The following MGAM variants were observed in gnomAD, a reference collection of about 807,000 sequenced individuals.
MGAM encodes maltase-glucoamylase.
In MGAM, 253 loss-of-function variants were observed where a neutral mutation model predicts 358.8. The observed-to-expected ratio is 0.71, with a 90% CI of 0.64 to 0.78. The LOEUF is 0.78. MGAM is among the 30% of genes least tolerant of loss of function. MGAM has a pLI of 0.00. For synonymous variants in MGAM, 1,105 were observed against 1,227.1 expected, an observed-to-expected ratio of 0.90 and a Z score of 2.08; for missense variants, 3,080 against 3,432.6, an observed-to-expected ratio of 0.90 and a Z score of 2.57.
At chr7:142,046,109 T>C (rs1226797052) in intron 21 of MGAM, among the ~76,000 whole-genome samples, 1 of 140,198 alleles carries the variant, frequency 7.1e-6, no homozygotes, top group Non-Finnish European at 1.5e-5. Context: ...TATTTATTTT[T>C]ATATTTATAT....
At position 142,005,207 on chromosome 7, in the gene MGAM, A is replaced by G. The variant is rs1584901363; in HGVS notation, c.-2-322A>G. On this transcript the variant is annotated intron_variant, in intron 1 of 70. Coordinates refer to ENST00000475668, the MANE Select transcript of MGAM (RefSeq NM_001365693.1). ...TTCACTAGATATTTGATGACAGTAA[A>G]TTATTATAAACATATATTAGGTATG... Among the ~76,000 whole-genome samples, 4 of 152,254 alleles carry G rather than the reference A, an allele frequency of 2.6e-5. No individual in the cohort carries two copies. In the East Asian group the frequency reaches 7.7e-4, roughly 29 times the overall value.
intron 40 of MGAM, 151 bp from the exon 41 acceptor site, chr7:142,066,422 C>A: frequency 1.1e-6 from 1 of 946,364 alleles, no homozygotes; most frequent in South Asian, 1.7e-5. Context: ...TGACTCTTTC[C>A]GGTCTATTAA....
chr7:141,997,352 C>T (rs1359258238), intron 1 of MGAM, among the ~76,000 whole-genome samples: 3 of 152,010 alleles, frequency 2.0e-5, no homozygotes, highest in Admixed American at 1.3e-4. Context: ...CTGGTAGGTC[C>T]CTGTGCTACC....
At position 142,049,807 on chromosome 7, in the gene MGAM, C is replaced by T. The variant is rs368122467; in HGVS notation, c.2588-428C>T. 3.1e-3 allele frequency among the ~76,000 whole-genome samples: 472 copies of T among 152,150 alleles called. 2 individuals carry two copies. Among genetic ancestry groups the T allele is most frequent in the Middle Eastern group, 0.031 (9 of 294 alleles). On this transcript the variant is annotated intron_variant, in intron 22 of 70. Coordinates refer to ENST00000475668, the MANE Select transcript of MGAM (RefSeq NM_001365693.1). ...AAAAAAGATAAGAGATAAGTGCTGG[C>T]GAGGATGTGGAGAAAATGGAATTTT... is the stretch of plus-strand genomic sequence containing the variant.
Position 142,082,553 on chromosome 7 carries a change from C to T in MGAM, c.6250C>T (p.Leu2084=), listed in dbSNP as rs1368838742. 42 of 1,523,946 alleles carry T rather than the reference C, an allele frequency of 2.8e-5. 7 individuals are homozygous for T. Among genetic ancestry groups the T allele is most frequent in the Non-Finnish European group, 3.4e-5 (38 of 1,116,310 alleles). The allele number at this position is 1,523,946 out of a possible 1,614,324, so 94.4% of individuals were successfully genotyped here. A position where few individuals can be genotyped will look rare whatever the true frequency, so the allele number is the denominator to read the frequency against. The change falls in exon 52 of 71, where the codon CTG becomes TTG. Residue 2084 remains leucine, a synonymous_variant. Transcript: ENST00000475668. ...TGGCAGTGCCCATGGAGTGCTCCTG[C>T]TGAACAGCAATGCCATGGGTAAGGC... is the stretch of plus-strand genomic sequence containing the variant. The part of the protein sequence containing the change: ...EDGSAHGVLL[L]NSNAMDVTFQ...
intron 24 of MGAM, 108 bp from the exon 25 acceptor site, chr7:142,052,186 G>C: frequency 1.1e-6 from 1 of 951,774 alleles, no homozygotes; most frequent in Non-Finnish European, 1.5e-6. Context: ...TTGGATGTTT[G>C]AAAGTCTGGT....
Position 142,030,376 on chromosome 7 carries a change from T to A in MGAM, c.1236T>A (p.Ala412=), listed in dbSNP as rs781935099. Residue 412 remains alanine, a synonymous_variant, in exon 11 of 71, where the codon GCT becomes GCA. Transcript: ENST00000475668. ...TATTCTTTCAGGATGTTCAGCATGC[T>A]GATATTGATTATATGGATGAGAGAA... ...AAQLPYDVQH[A]DIDYMDERRD... The A allele has an allele frequency of 6.6e-5, 107 of 1,613,122 alleles. No individual in the cohort carries two copies. The highest frequency in any genetic ancestry group is 8.2e-5 in the Non-Finnish European group (97 of 1,179,552).
chr7:142,028,104 T>C (rs1229813383), intron 10 of MGAM, among the ~76,000 whole-genome samples: 1 of 152,220 alleles, frequency 6.6e-6, no homozygotes, highest in Non-Finnish European at 1.5e-5. Flanking sequence ...TAGCTTGAAT[T>C]GTAGCATTTT....
intron 7 of MGAM, among the ~76,000 whole-genome samples, chr7:142,024,776 T>A (rs1263892357): frequency 3.3e-5 from 5 of 152,200 alleles, no homozygotes; most frequent in African/African-American, 9.7e-5. Context: ...AATTACATTT[T>A]AAAAATTCCT....
chr7:142,029,577 G>C (rs183044224), intron 10 of MGAM, among the ~76,000 whole-genome samples: 1 of 152,268 alleles, frequency 6.6e-6, no homozygotes, highest in South Asian at 2.1e-4. Flanking sequence ...ATGTGAGAGG[G>C]AGTGTTTAGA....
At chr7:141,996,149 A>C (rs1804210513) in intron 1 of MGAM, among the ~76,000 whole-genome samples, 1 of 151,896 alleles carries the variant, frequency 6.6e-6, no homozygotes. Context: ...AAATACAAAA[A>C]ATTAGCCGGG....
At chr7:142,038,685 GCTT>G in intron 19 of MGAM, 70 bp downstream of exon 19, 2 of 1,169,542 alleles carry the variant, frequency 1.7e-6, no homozygotes, top group Non-Finnish European at 1.2e-6. Flanking sequence ...ACTCCTCTCT[GCTT>G]CTTATTCCAA....
In MGAM at chr7:142,042,698, ATAT is replaced by A. The variant is rs1188538691; in HGVS notation, c.2498+1856_2498+1858del. 8.0e-4 allele frequency among the ~76,000 whole-genome samples: 5 copies of A among 6,280 alleles called. 1 individual carries two copies. The highest frequency in any genetic ancestry group is 3.4e-3 in the East Asian group (1 of 296). 4.1% of individuals were successfully genotyped at this position (6,280 alleles called of 152,430 possible). On this transcript the variant is annotated intron_variant, in intron 21 of 70. Coordinates refer to ENST00000475668, the MANE Select transcript of MGAM (RefSeq NM_001365693.1). ...TAATATATAATATATATTATGTATA[ATAT>A]TATATATAATATATTACATATATTA...
intron 37 of MGAM, 29 bp downstream of exon 37, chr7:142,064,551 T>C: frequency 6.4e-7 from 1 of 1,561,362 alleles, no homozygotes; most frequent in Non-Finnish European, 8.7e-7. Context: ...TCTCCAGCTG[T>C]CACAACCTAT....
At chr7:142,090,824 G>A (rs1815314179) in intron 57 of MGAM, among the ~76,000 whole-genome samples, 1 of 146,578 alleles carries the variant, frequency 6.8e-6, no homozygotes, top group Non-Finnish European at 1.5e-5. Flanking sequence ...GAAGTGGTGT[G>A]AACCCACCAT....
At chr7:142,075,220 C>A (rs1282996112) in intron 45 of MGAM, among the ~76,000 whole-genome samples, 1 of 146,320 alleles carries the variant, frequency 6.8e-6, no homozygotes, top group Non-Finnish European at 1.5e-5. Context: ...TATATATGTA[C>A]CAGAACATCT....
rs1814284306 is a variant in MGAM, at chr7:142,081,514, T to A, written c.6003-528T>A. ...GCCAGGAGATGAAGCGAAGCTGGCA[T>A]GCTAAAGAAAAGAAGTCTAGTGTGG... is the stretch of plus-strand genomic sequence containing the variant. On this transcript the variant is annotated intron_variant, in intron 50 of 70. Transcript: ENST00000475668. Among the ~76,000 whole-genome samples the A allele has an allele frequency of 1.4e-5, 2 of 145,600 alleles. 1 individual carries two copies. Among genetic ancestry groups the A allele is most frequent in the Non-Finnish European group, 3.1e-5 (2 of 64,332 alleles).
upstream of MGAM, among the ~76,000 whole-genome samples, chr7:141,992,189 G>A (rs1803976794): frequency 6.6e-6 from 1 of 152,102 alleles, no homozygotes; most frequent in Non-Finnish European, 1.5e-5. Context: ...GTAACATCAA[G>A]TCTTTTACTC....
chr7:142,099,633 A>C lies in MGAM; in HGVS notation c.7770A>C (p.Arg2590Ser), dbSNP rs773052362. The change falls in exon 67 of 71, where the codon AGA (arginine) becomes AGC (serine). Residue 2590 changes from arginine (R) to serine (S), a missense_variant. Arg to Ser is a moderately radical substitution (Grantham distance 110). This residue lies in a region of MGAM where 932 missense variants were observed against 1,198.2 expected (regional missense o/e 0.78). Transcript: ENST00000475668. The part of the protein sequence containing the change: ...DYYTGVDINA[R>S]GEWKTLPAPL... ...TCCAGGGTGTGGATATTAATGCAAGAGGAGAGTGGAAGACCTTGCCAGCCC... is the reference window on the plus strand; with the variant it reads ...TCCAGGGTGTGGATATTAATGCAAGCGGAGAGTGGAAGACCTTGCCAGCCC... The C allele has an allele frequency of 1.1e-5, 18 of 1,613,832 alleles. No individual in the cohort carries two copies. The highest frequency in any genetic ancestry group is 1.4e-5 in the Non-Finnish European group (16 of 1,179,856).
Sources: gnomAD v4.1 joint callset for allele counts (sites outside exome capture counted in the v4.1 genomes callset) on GRCh38, gnomAD v4.1.1 for gene constraint, gnomAD v4.1.1 regional missense constraint, MANE v1.5 for transcripts, NCBI Gene and HGNC (gene_info 2026-07-23, HGNC 2026-07-21) for gene names.